Variants in PPP1R7 observed in about 807,000 individuals in gnomAD.
PPP1R7 encodes protein phosphatase 1 regulatory subunit 7.
PPP1R7 carries 18 observed loss-of-function variants against 45.2 expected under a neutral mutation model. The observed-to-expected ratio is 0.40, with a 90% CI of 0.28 to 0.59. The LOEUF is 0.59. Ranked by LOEUF, PPP1R7 falls within the 20% of genes least tolerant of loss-of-function variation. PPP1R7 has a pLI of 0.46. For synonymous variants in PPP1R7, 181 were observed against 183.4 expected, an observed-to-expected ratio of 0.99 and a Z score of 0.11; for missense variants, 314 against 455.8, an observed-to-expected ratio of 0.69 and a Z score of 2.83.
At chr2:241,166,677 C>CT (rs2067718496) in intron 8 of PPP1R7, among the ~76,000 whole-genome samples, 1 of 152,244 alleles carries the variant, frequency 6.6e-6, no homozygotes, top group African/African-American at 2.4e-5. Context: ...CCTTGAAGGG[C>CT]TGACGCTTTA....
intron 1 of PPP1R7, chr2:241,151,650 G>A (rs778809209): frequency 8.9e-6 from 4 of 447,194 alleles, no homozygotes; most frequent in African/African-American, 6.1e-5. Flanking sequence ...TTTAAGAAGC[G>A]CCTCTTCATA....
In PPP1R7 at chr2:241,173,092, C is replaced by T. The variant is rs1024528575; in HGVS notation, c.906+3225C>T. Among the ~76,000 whole-genome samples the T allele has an allele frequency of 2.0e-5, 3 of 151,680 alleles. No individual in the cohort carries two copies. The South Asian group carries it at 6.3e-4, about 32-fold the overall frequency. On this transcript the variant is annotated intron_variant, in intron 9 of 9. Coordinates refer to ENST00000234038, the MANE Select transcript of PPP1R7 (RefSeq NM_002712.3). ...TTTGAGACCAACCTGACCAACATGG[C>T]GAAACCCCGTCTCAACTAAAAATTC...
chr2:241,160,542 C>T (rs370037409), intron 6 of PPP1R7, 48 bp downstream of exon 6: 262 of 1,504,742 alleles, frequency 1.7e-4, no homozygotes, highest in Admixed American at 3.0e-4. Flanking sequence ...AGGCAGCTAG[C>T]GGGCTGTGTG....
intron 2 of PPP1R7, 92 bp downstream of exon 2, chr2:241,153,696 G>A (rs941705811): frequency 2.8e-5 from 42 of 1,508,104 alleles, no homozygotes; most frequent in African/African-American, 1.6e-4. Flanking sequence ...GTGCTGTGTC[G>A]GTCTGGAGAA....
chr2:241,149,602 A>T (rs1485805923), upstream of PPP1R7: 20 of 1,507,912 alleles, frequency 1.3e-5, no homozygotes, highest in Admixed American at 1.4e-4. Context: ...GTTGCTAGGG[A>T]CGCACCAAAC....
intron 9 of PPP1R7, among the ~76,000 whole-genome samples, chr2:241,175,040 G>A (rs1219149089): frequency 6.6e-6 from 1 of 152,152 alleles, no homozygotes; most frequent in Admixed American, 6.5e-5. Context: ...ATTCTGTCAT[G>A]GCTTGAAACA....
Position 241,153,546 on chromosome 2 carries a change from C to G in PPP1R7, c.123C>G (p.Ala41=). 1 of 1,614,146 alleles carries G rather than the reference C, an allele frequency of 6.2e-7. No homozygotes were observed. Among genetic ancestry groups the G allele is most frequent in the Non-Finnish European group, 8.5e-7 (1 of 1,180,042 alleles). Residue 41 remains alanine (A), a synonymous_variant, in exon 2 of 10, where the codon GCC becomes GCG. Coordinates refer to ENST00000234038, the MANE Select transcript of PPP1R7 (RefSeq NM_002712.3). ...EGKKHSSGIV[A]DLSEQSLKDG... ...AGAAACACAGCAGTGGCATCGTGGC[C>G]GACCTCAGTGAACAGAGCCTGAAGG...
intron 9 of PPP1R7, among the ~76,000 whole-genome samples, chr2:241,178,191 C>T (rs1207445298): frequency 1.3e-5 from 2 of 152,362 alleles, no homozygotes; most frequent in East Asian, 3.9e-4. Flanking sequence ...TGTGCCTGGC[C>T]TGGGCCCACT....
intron 3 of PPP1R7, 43 bp downstream of exon 3, chr2:241,157,905 C>A: frequency 6.4e-7 from 1 of 1,571,006 alleles, no homozygotes; most frequent in Non-Finnish European, 8.8e-7. Flanking sequence ...TGGTGATGGA[C>A]CACCCTGTCA....
At chr2:241,160,241 A>C in intron 5 of PPP1R7, 91 bp from the exon 6 acceptor site, 5 of 760,738 alleles carry the variant, frequency 6.6e-6, no homozygotes, top group East Asian at 3.9e-5. Context: ...CCGTCCCCTG[A>C]TGGGGACGCC....
intron 9 of PPP1R7, among the ~76,000 whole-genome samples, chr2:241,173,935 A>ATTTTTTTT (rs1553622942): frequency 6.9e-6 from 1 of 144,204 alleles, no homozygotes; most frequent in South Asian, 2.1e-4. Context: ...TTTTTGGTAG[A>ATTTTTTTT]TTATTTTTCT....
intron 8 of PPP1R7, among the ~76,000 whole-genome samples, chr2:241,169,240 G>A (rs150654606): frequency 6.6e-6 from 1 of 152,332 alleles, no homozygotes; most frequent in East Asian, 1.9e-4. Context: ...AGACAAGAGT[G>A]TAGGCCTGGG....
intron 9 of PPP1R7, among the ~76,000 whole-genome samples, chr2:241,174,344 T>C (rs1177659038): frequency 6.6e-6 from 1 of 152,200 alleles, no homozygotes; most frequent in Non-Finnish European, 1.5e-5. Flanking sequence ...TCGACCAGCC[T>C]TTAGCTTTTC....
At position 241,168,104 on chromosome 2, in the gene PPP1R7, T is replaced by C. The variant is rs76304507; in HGVS notation, c.819+1663T>C. On this transcript the variant is annotated intron_variant, in intron 8 of 9. Transcript: ENST00000234038. The stretch of plus-strand genomic sequence containing the variant: ...TGGCGTTGTGTCATGCCCTTTGGTG[T>C]GCCTGCTCTCCTCACCCTGTTCCAT... Among the ~76,000 whole-genome samples the C allele has an allele frequency of 3.8e-3, 585 of 152,372 alleles. 2 individuals are homozygous for C. The highest frequency in any genetic ancestry group is 6.3e-3 in the Admixed American group (97 of 15,306).
At chr2:241,180,866 G>A (rs2067991584) in intron 9 of PPP1R7, among the ~76,000 whole-genome samples, 1 of 152,130 alleles carries the variant, frequency 6.6e-6, no homozygotes, top group African/African-American at 2.4e-5. Context: ...GGTTTCCCAA[G>A]GCTGGTACGC....
intron 9 of PPP1R7, among the ~76,000 whole-genome samples, chr2:241,171,267 G>A (rs1306092510): frequency 1.3e-5 from 2 of 152,202 alleles, no homozygotes; most frequent in South Asian, 2.1e-4. Flanking sequence ...TAGGGGCCAG[G>A]TAGTGCCTGA....
chr2:241,182,564 G>A (rs2068023361), intron 9 of PPP1R7, 83 bp from the exon 10 acceptor site: 1 of 1,527,748 alleles, frequency 6.5e-7, no homozygotes, highest in African/African-American at 1.4e-5. Context: ...GAGTGGGAAG[G>A]AGGAGGGTGG....
Position 241,150,484 on chromosome 2 carries a change from A to G in PPP1R7, c.-12A>G, listed in dbSNP as rs755099419. On this transcript the variant is annotated 5_prime_UTR_variant, in exon 1 of 10. Transcript: ENST00000234038. The stretch of plus-strand genomic sequence containing the variant: ...GAGGCGACAGATTCCGGAAAGGGGA[A>G]GAGCAGCCAACATGGCGGCGGAACG... The G allele has an allele frequency of 1.0e-5, 16 of 1,595,500 alleles. No individual in the cohort carries two copies. Among genetic ancestry groups the G allele is most frequent in the South Asian group, 5.6e-5 (5 of 88,888 alleles).
At chr2:241,151,408 G>C in intron 1 of PPP1R7, 1 of 469,758 alleles carries the variant, frequency 2.1e-6, no homozygotes, top group South Asian at 1.6e-5. Flanking sequence ...AGGAAGGCCT[G>C]ACATGTTAGG....
Sources: gnomAD v4.1 joint callset for allele counts (sites outside exome capture counted in the v4.1 genomes callset) on GRCh38, gnomAD v4.1.1 for gene constraint, MANE v1.5 for transcripts, NCBI Gene and HGNC (gene_info 2026-07-23, HGNC 2026-07-21) for gene names.